PPP6R2: variants seen among roughly 807,000 people sequenced by gnomAD.
The protein encoded by PPP6R2 is serine/threonine-protein phosphatase 6 regulatory subunit 2.
In PPP6R2, 62 loss-of-function variants were observed where a neutral mutation model predicts 100.2. That is an observed-to-expected ratio of 0.62 (90% CI 0.50 to 0.76). PPP6R2 has a LOEUF of 0.76. Ranked by LOEUF, PPP6R2 falls within the 30% of genes least tolerant of loss-of-function variation. The pLI, the probability that PPP6R2 is intolerant of heterozygous loss-of-function variation, is 0.00. For synonymous variants in PPP6R2, 525 were observed against 514.7 expected, an observed-to-expected ratio of 1.02 and a Z score of -0.27; for missense variants, 1,142 against 1,276.3, an observed-to-expected ratio of 0.89 and a Z score of 1.60.
chr22:50,439,932 AC>A (rs1467407591), intron 20 of PPP6R2, 28 bp from the exon 21 acceptor site: 1 of 1,611,736 alleles, frequency 6.2e-7, no homozygotes, highest in Non-Finnish European at 8.5e-7. Context: ...GTCCCCCAGG[AC>A]TGATCCTGTC....
At chr22:50,405,151 C>G (rs1472850474) in intron 3 of PPP6R2, among the ~76,000 whole-genome samples, 2 of 152,168 alleles carry the variant, frequency 1.3e-5, no homozygotes, top group African/African-American at 2.4e-5. Context: ...ATGGAAGGGG[C>G]ATGGCTTAGA....
intron 2 of PPP6R2, among the ~76,000 whole-genome samples, chr22:50,373,858 C>T (rs2050849706): frequency 1.3e-5 from 2 of 152,168 alleles, no homozygotes; most frequent in Non-Finnish European, 1.5e-5. Flanking sequence ...GTCAGCCTCC[C>T]GAATAGCTGG....
chr22:50,374,983 C>G (rs2051159223), intron 2 of PPP6R2, among the ~76,000 whole-genome samples: 1 of 149,576 alleles, frequency 6.7e-6, no homozygotes, highest in African/African-American at 2.5e-5. Context: ...CGTATAGCAC[C>G]AAAGACAAAA....
intron 1 of PPP6R2, among the ~76,000 whole-genome samples, chr22:50,353,251 T>C (rs897037020): frequency 6.6e-6 from 1 of 152,220 alleles, no homozygotes; most frequent in Non-Finnish European, 1.5e-5. Context: ...TCACTAAGCT[T>C]AAGCATTTCT....
At chr22:50,349,195 C>CAAAAAA (rs892504600) in intron 1 of PPP6R2, among the ~76,000 whole-genome samples, 3 of 61,658 alleles carry the variant, frequency 4.9e-5, no homozygotes, top group African/African-American at 1.3e-4. Context: ...GACTTCCTCT[C>CAAAAAA]AAAAAAAAAA....
chr22:50,358,576 G>A (rs1243789603), intron 1 of PPP6R2, among the ~76,000 whole-genome samples: 1 of 152,164 alleles, frequency 6.6e-6, no homozygotes, highest in Non-Finnish European at 1.5e-5. Context: ...GTATACATTT[G>A]TGAAATTGTC....
Position 50,418,849 on chromosome 22 carries a change from T to C in PPP6R2, c.619-18T>C, listed in dbSNP as rs541661542. The stretch of plus-strand genomic sequence containing the variant: ...CTTCTCCACACTGAGGGACTCTGTG[T>C]TTCCCTTGTCTTTTCAGAGGCAGTC... On this transcript the variant is annotated intron_variant, in intron 6 of 23. Coordinates refer to ENST00000612753, the MANE Select transcript of PPP6R2 (RefSeq NM_001242898.2). 7 of 1,585,362 alleles carry C rather than the reference T, an allele frequency of 4.4e-6. No homozygotes were observed. The South Asian group carries it at 6.6e-5, about 15-fold the overall frequency.
At chr22:50,359,279 C>T (rs2047298971) in intron 1 of PPP6R2, among the ~76,000 whole-genome samples, 1 of 143,356 alleles carries the variant, frequency 7.0e-6, no homozygotes, top group Non-Finnish European at 1.5e-5. Flanking sequence ...AGTGCAGTGG[C>T]GTGATCTCCG....
chr22:50,359,043 A>G (rs1371498249), intron 1 of PPP6R2, among the ~76,000 whole-genome samples: 1 of 113,908 alleles, frequency 8.8e-6, no homozygotes, highest in Non-Finnish European at 1.7e-5. Context: ...CCCTATTGCC[A>G]GGCTGGAGTT....
At position 50,431,099 on chromosome 22, in the gene PPP6R2, T is replaced by G. The variant is rs917692399; in HGVS notation, c.1126-74T>G. The G allele has an allele frequency of 1.4e-5, 18 of 1,271,476 alleles. No homozygotes were observed. The Admixed American group carries it at 3.1e-4, about 22-fold the overall frequency. 78.8% of individuals were successfully genotyped at this position (1,271,476 alleles called of 1,614,324 possible). ...TTAGGACGCCACCTTTAGGAAGGGT[T>G]TCCCTCAGCTTTGTGGTGTAGCCGG... On this transcript the variant is annotated intron_variant, in intron 10 of 23. Transcript: ENST00000612753. This position sits in a 1 kb window ranked among gnomAD's most constrained non-coding sequence, Gnocchi z 4.8.
the PPP6R2 span, among the ~76,000 whole-genome samples, chr22:50,332,189 A>G: frequency 6.6e-6 from 1 of 151,926 alleles, no homozygotes; most frequent in African/African-American, 2.4e-5. Flanking sequence ...TCTTAACCTA[A>G]GGTCCTAAGT....
intron 1 of PPP6R2, among the ~76,000 whole-genome samples, chr22:50,371,132 C>T (rs1431290801): frequency 6.6e-6 from 1 of 152,160 alleles, no homozygotes; most frequent in Non-Finnish European, 1.5e-5. Context: ...ATACTCCACC[C>T]ATCCTACAAA....
intron 2 of PPP6R2, chr22:50,393,547 G>A (rs1427779048): frequency 1.0e-5 from 10 of 982,124 alleles, no homozygotes; most frequent in Non-Finnish European, 1.1e-5. Flanking sequence ...ACAGTGTGGG[G>A]AAGGAGGGCA....
intron 1 of PPP6R2, among the ~76,000 whole-genome samples, chr22:50,366,565 A>C (rs1308985806): frequency 6.6e-6 from 1 of 151,960 alleles, no homozygotes; most frequent in Non-Finnish European, 1.5e-5. Flanking sequence ...CGGCCTCCCA[A>C]AGTGCTGGGA....
intron 3 of PPP6R2, among the ~76,000 whole-genome samples, chr22:50,402,657 G>T (rs188802742): frequency 9.9e-5 from 15 of 152,190 alleles, no homozygotes; most frequent in African/African-American, 3.6e-4. Context: ...CTCCATTCTT[G>T]TCTTTTTAAT....
chr22:50,432,662 G>A (rs940752574), intron 12 of PPP6R2, among the ~76,000 whole-genome samples: 4 of 152,216 alleles, frequency 2.6e-5, no homozygotes, highest in Non-Finnish European at 4.4e-5. Flanking sequence ...CGGGCCCTCC[G>A]TCAGCACTCG....
At position 50,378,542 on chromosome 22, in the gene PPP6R2, C is replaced by T. The variant is rs12163182; in HGVS notation, c.-17+6392C>T. ...TGGAGGTTGTGGTGAGCTGAGATGGCGCCATTGCACTCCAGCCTGGGCAAC... is the reference window on the plus strand; with the variant it reads ...TGGAGGTTGTGGTGAGCTGAGATGGTGCCATTGCACTCCAGCCTGGGCAAC... On this transcript the variant is annotated intron_variant, in intron 2 of 23. Coordinates refer to ENST00000612753, the MANE Select transcript of PPP6R2 (RefSeq NM_001242898.2). Among the ~76,000 whole-genome samples the T allele has an allele frequency of 2.2e-4, 33 of 151,366 alleles. No individual in the cohort carries two copies. The South Asian group carries it at 5.5e-3, about 25-fold the overall frequency.
At position 50,362,151 on chromosome 22, in the gene PPP6R2, G is replaced by T. The variant is rs190090337; in HGVS notation, c.-147-9869G>T. Among the ~76,000 whole-genome samples, 10 of 152,324 alleles carry T rather than the reference G, an allele frequency of 6.6e-5. No individual in the cohort carries two copies. The East Asian group carries it at 1.9e-3, about 29-fold the overall frequency. On this transcript the variant is annotated intron_variant, in intron 1 of 23. Transcript: ENST00000612753. ...AGGAAGGGGAGGAGTCGGGGCTAGGGCCCTTAGCACTGGTGATGAGGAAGG... is the reference window on the plus strand; with the variant it reads ...AGGAAGGGGAGGAGTCGGGGCTAGGTCCCTTAGCACTGGTGATGAGGAAGG...
At chr22:50,339,777 GGTGT>G (rs1048059807), upstream of PPP6R2, among the ~76,000 whole-genome samples, 1 of 123,930 alleles carries the variant, frequency 8.1e-6, no homozygotes, top group Non-Finnish European at 1.6e-5. Flanking sequence ...TGTGGTATGT[GGTGT>G]GTGTGTGGTG....
Sources: gnomAD v4.1 joint callset for allele counts (sites outside exome capture counted in the v4.1 genomes callset) on GRCh38, gnomAD v4.1.1 for gene constraint, Gnocchi (gnomAD v3.1) non-coding constraint, MANE v1.5 for transcripts, NCBI Gene and HGNC (gene_info 2026-07-23, HGNC 2026-07-21) for gene names.